EPHB1: variants seen among roughly 807,000 people sequenced by gnomAD.
EPHB1 encodes EPH receptor B1, also known as ephrin type-B receptor 1.
In EPHB1, 30 loss-of-function variants were observed where a neutral mutation model predicts 94.4. That is an observed-to-expected ratio of 0.32 (90% CI 0.24 to 0.43). The LOEUF (loss-of-function observed/expected upper bound fraction) is 0.43, where lower values mean the gene tolerates loss of function less well. EPHB1 is among the 20% of genes least tolerant of loss of function. The pLI is 1.00. For synonymous variants in EPHB1, 522 were observed against 489.1 expected, an observed-to-expected ratio of 1.07 and a Z score of -0.89; for missense variants, 1,055 against 1,308.3, an observed-to-expected ratio of 0.81 and a Z score of 2.99.
At position 135,166,214 on chromosome 3, in the gene EPHB1, C is replaced by G. The variant is rs1424646448; in HGVS notation, c.1694+138C>G. On this transcript the variant is annotated intron_variant, in intron 8 of 15. Transcript: ENST00000398015. ...CACTCCATCTCAATCCAAGAGCAGCCTAGAATTCTTTAGATATTTATTTAG... is the reference window on the plus strand; with the variant it reads ...CACTCCATCTCAATCCAAGAGCAGCGTAGAATTCTTTAGATATTTATTTAG... 6.3e-6 allele frequency: 4 copies of G among 635,482 alleles called. No homozygotes were observed. In the East Asian group the frequency reaches 1.0e-4, roughly 17 times the overall value. 39.4% of individuals were successfully genotyped at this position (635,482 alleles called of 1,614,324 possible). A position where few individuals can be genotyped will look rare whatever the true frequency, so the allele number is the denominator to read the frequency against.
chr3:135,239,932 A>T (rs1943740117), intron 12 of EPHB1, among the ~76,000 whole-genome samples: 1 of 152,140 alleles, frequency 6.6e-6, no homozygotes, highest in Non-Finnish European at 1.5e-5. Context: ...GGTGCTGATG[A>T]GAAACTGAGG....
chr3:134,852,127 C>G (rs2036998538), intron 1 of EPHB1, among the ~76,000 whole-genome samples: 1 of 152,186 alleles, frequency 6.6e-6, no homozygotes, highest in African/African-American at 2.4e-5. Context: ...TTTAAGTGGT[C>G]ACAACAGGAG....
chr3:135,248,231 G>C (rs1943974149), intron 13 of EPHB1, 85 bp from the exon 14 acceptor site: 1 of 1,301,578 alleles, frequency 7.7e-7, no homozygotes, highest in South Asian at 1.7e-5. Flanking sequence ...CTGGATCAGG[G>C]AGGCTCCATA....
chr3:134,834,155 A>T (rs1215382160), intron 1 of EPHB1, among the ~76,000 whole-genome samples: 1 of 152,126 alleles, frequency 6.6e-6, no homozygotes, highest in Non-Finnish European at 1.5e-5. Context: ...GGGGATTTTG[A>T]AACTCCCTGG....
At chr3:135,005,246 G>A (rs1389722768) in intron 3 of EPHB1, among the ~76,000 whole-genome samples, 1 of 152,180 alleles carries the variant, frequency 6.6e-6, no homozygotes, top group South Asian at 2.1e-4. Flanking sequence ...CCCCTGCTGG[G>A]GGGTGCCTCC....
chr3:134,969,000 T>C (rs573766845), intron 3 of EPHB1, among the ~76,000 whole-genome samples: 1 of 152,340 alleles, frequency 6.6e-6, no homozygotes, highest in East Asian at 1.9e-4. Flanking sequence ...TGATTATAAA[T>C]AGAGGACATA....
intron 5 of EPHB1, among the ~76,000 whole-genome samples, chr3:135,140,273 G>A (rs1940772617): frequency 6.6e-6 from 1 of 152,132 alleles, no homozygotes; most frequent in Non-Finnish European, 1.5e-5. Flanking sequence ...AGGGAGGAGG[G>A]TGCAGGTGAT....
intron 12 of EPHB1, among the ~76,000 whole-genome samples, chr3:135,213,977 C>T (rs564108388): frequency 2.0e-5 from 3 of 152,130 alleles, no homozygotes; most frequent in Non-Finnish European, 4.4e-5. Context: ...TCTGATCTCC[C>T]TCAGCCCCTT....
chr3:135,025,127 T>TTCCTTCCTTCCC (rs1413584368), intron 3 of EPHB1, among the ~76,000 whole-genome samples: 1 of 100,110 alleles, frequency 1.0e-5, no homozygotes, highest in African/African-American at 3.9e-5. Flanking sequence ...CCCCCCTTCC[T>TTCCTTCCTTCCC]TCCTTCCTTC....
At chr3:135,076,234 G>GATATATAT (rs60727518) in intron 3 of EPHB1, among the ~76,000 whole-genome samples, 1,712 of 131,058 alleles carry the variant, frequency 0.013, 36 homozygotes, top group East Asian at 0.038. Context: ...TCTGAAAAGG[G>GATATATAT]ATATATATAT....
chr3:135,021,909 AC>A (rs1935999314), intron 3 of EPHB1, among the ~76,000 whole-genome samples: 1 of 152,256 alleles, frequency 6.6e-6, no homozygotes, highest in Admixed American at 6.5e-5. Flanking sequence ...AATTTTGATT[AC>A]TATTAATGAA....
At chr3:134,992,161 A>G (rs1934827517) in intron 3 of EPHB1, among the ~76,000 whole-genome samples, 1 of 152,150 alleles carries the variant, frequency 6.6e-6, no homozygotes. Context: ...GACCAAAAAG[A>G]CAACACGGGG....
At chr3:135,076,264 T>A (rs9875343) in intron 3 of EPHB1, among the ~76,000 whole-genome samples, 7 of 144,016 alleles carry the variant, frequency 4.9e-5, no homozygotes, top group South Asian at 2.2e-4. Flanking sequence ...TATATATAAC[T>A]CTTAAATGCA....
chr3:135,076,311 C>G (rs370744277), intron 3 of EPHB1, among the ~76,000 whole-genome samples: 1 of 145,994 alleles, frequency 6.8e-6, no homozygotes, highest in African/African-American at 2.7e-5. Flanking sequence ...TAAAAATGAG[C>G]AAAAATATGC....
intron 10 of EPHB1, among the ~76,000 whole-genome samples, chr3:135,186,845 G>A (rs1373046328): frequency 6.6e-6 from 1 of 152,170 alleles, no homozygotes; most frequent in African/African-American, 2.4e-5. Flanking sequence ...CAGCTATCTG[G>A]GATGAAATGC....
intron 1 of EPHB1, among the ~76,000 whole-genome samples, chr3:134,855,322 G>A (rs2037088069): frequency 6.6e-6 from 1 of 152,206 alleles, no homozygotes; most frequent in African/African-American, 2.4e-5. Flanking sequence ...AAGCTCCCCA[G>A]AGGCCAGAGG....
At chr3:134,958,193 G>A (rs1933354782) in intron 3 of EPHB1, among the ~76,000 whole-genome samples, 1 of 152,210 alleles carries the variant, frequency 6.6e-6, no homozygotes, top group Admixed American at 6.5e-5. Context: ...ACCTTTGTCA[G>A]CTTGAGCAGC....
intron 3 of EPHB1, among the ~76,000 whole-genome samples, chr3:134,984,247 G>A (rs2107734808): frequency 6.6e-6 from 1 of 152,280 alleles, no homozygotes; most frequent in Middle Eastern, 3.4e-3. Flanking sequence ...TCTTCTGGGT[G>A]AGGATCATCC....
chr3:135,256,316 A>G (rs1933384289), intron 15 of EPHB1, among the ~76,000 whole-genome samples: 1 of 152,090 alleles, frequency 6.6e-6, no homozygotes, highest in Admixed American at 6.5e-5. Context: ...CCTAGTCTCA[A>G]TGGTCTTTAC....
Sources: gnomAD v4.1 joint callset for allele counts (sites outside exome capture counted in the v4.1 genomes callset) on GRCh38, gnomAD v4.1.1 for gene constraint, MANE v1.5 for transcripts, NCBI Gene and HGNC (gene_info 2026-07-23, HGNC 2026-07-21) for gene names.